The following INPP4A variants were observed in gnomAD, a reference collection of about 807,000 sequenced individuals.
The protein encoded by INPP4A is inositol polyphosphate-4-phosphatase type I A.
In INPP4A, 33 loss-of-function variants were observed where a neutral mutation model predicts 119.8. That is an observed-to-expected ratio of 0.28 (90% CI 0.21 to 0.37). INPP4A has a LOEUF of 0.37. Among genes scored for constraint, INPP4A ranks in the 10% least tolerant of loss-of-function variants. The pLI is 1.00. For synonymous variants in INPP4A, 496 were observed against 500.7 expected, an observed-to-expected ratio of 0.99 and a Z score of 0.12; for missense variants, 956 against 1,289.9, an observed-to-expected ratio of 0.74 and a Z score of 3.97.
chr2:98,538,044 C>T (rs1690659158), intron 8 of INPP4A, 70 bp downstream of exon 8: 5 of 1,056,468 alleles, frequency 4.7e-6, no homozygotes, highest in South Asian at 3.0e-5. Context: ...ATGCAGCCCT[C>T]GTGGACTTAG....
intron 1 of INPP4A, among the ~76,000 whole-genome samples, chr2:98,449,191 T>G (rs896790442): frequency 1.3e-5 from 2 of 152,234 alleles, no homozygotes; most frequent in African/African-American, 4.8e-5. Flanking sequence ...ATATAGTTAC[T>G]GCTCATACAA....
chr2:98,558,626 C>T (rs1694906054), intron 16 of INPP4A, among the ~76,000 whole-genome samples: 2 of 152,214 alleles, frequency 1.3e-5, no homozygotes, highest in African/African-American at 4.8e-5. Flanking sequence ...GAGACCACCT[C>T]ATTTCCACAT....
Position 98,546,026 on chromosome 2 carries a change from C to G in INPP4A, c.1007C>G (p.Thr336Arg). 3 of 1,592,418 alleles carry G rather than the reference C, an allele frequency of 1.9e-6. No homozygotes were observed. Among genetic ancestry groups the G allele is most frequent in the Non-Finnish European group, 2.6e-6 (3 of 1,168,760 alleles). Reference protein sequence around the residue: ...KADKKLEFVPTNLHIQRMRVQ... With the variant: ...KADKKLEFVPRNLHIQRMRVQ... ...GATAAAAAGTTAGAATTTGTTCCCACAAACTTGCACATACAAAGGATGAGA... is the reference window on the plus strand; with the variant it reads ...GATAAAAAGTTAGAATTTGTTCCCAGAAACTTGCACATACAAAGGATGAGA... Residue 336 changes from threonine (T) to arginine (R), a missense_variant, in exon 12 of 25, where the codon ACA (threonine) becomes AGA (arginine). Physicochemically the swap from Thr to Arg is moderately conservative, Grantham distance 71. Transcript: ENST00000409851. The surrounding 1 kb of genome is among the most constrained non-coding windows in gnomAD (Gnocchi z 4.2).
chr2:98,462,445 C>T (rs140739827), intron 1 of INPP4A, among the ~76,000 whole-genome samples: 1,678 of 152,134 alleles, frequency 0.011, 31 homozygotes, highest in African/African-American at 0.038. Flanking sequence ...GAGACTCTGT[C>T]TCAAAAATAA....
intron 8 of INPP4A, 81 bp downstream of exon 8, chr2:98,538,055 C>T (rs1388333993): frequency 3.4e-5 from 32 of 934,362 alleles, no homozygotes; most frequent in Non-Finnish European, 5.3e-5. Flanking sequence ...GTGGACTTAG[C>T]CTCTGTGCTC....
chr2:98,515,463 C>T (rs1162034915), intron 1 of INPP4A, among the ~76,000 whole-genome samples: 19 of 93,038 alleles, frequency 2.0e-4, no homozygotes, highest in African/African-American at 6.7e-4. Context: ...GGACGGGATC[C>T]GGTGGGTGGG....
intron 17 of INPP4A, among the ~76,000 whole-genome samples, chr2:98,560,228 T>G (rs1183680013): frequency 1.3e-5 from 2 of 152,232 alleles, no homozygotes; most frequent in East Asian, 3.8e-4. Flanking sequence ...ATGTTCTTTT[T>G]CTTACATTCC....
At position 98,555,614 on chromosome 2, in the gene INPP4A, T is replaced by C; in HGVS notation, c.1628T>C (p.Leu543Pro). 1 of 1,613,942 alleles carries C rather than the reference T, an allele frequency of 6.2e-7. No individual in the cohort carries two copies. The highest frequency in any genetic ancestry group is 8.5e-7 in the Non-Finnish European group (1 of 1,179,866). The change falls in exon 16 of 25, where the codon CTG becomes CCG. Residue 543 changes from leucine to proline, a missense_variant. Coordinates refer to ENST00000409851, the MANE Select transcript of INPP4A (RefSeq NM_001134225.2). Reference sequence around the variant, plus strand: ...TGCATCATTCAGCGTGTGGACAAGCTGCTGCAGAAGGAGCGGCTGCATGGC... The same window carrying C: ...TGCATCATTCAGCGTGTGGACAAGCCGCTGCAGAAGGAGCGGCTGCATGGC... ...LECIIQRVDK[L>P]LQKERLHGEG...
intron 1 of INPP4A, among the ~76,000 whole-genome samples, chr2:98,458,376 C>T (rs1390784597): frequency 3.3e-5 from 5 of 152,082 alleles, no homozygotes; most frequent in African/African-American, 1.2e-4. Context: ...AGCCCTTTCT[C>T]ACCTTCTCTA....
At position 98,505,000 on chromosome 2, in the gene INPP4A, A is replaced by G. The variant is rs559917752; in HGVS notation, c.-165-13964A>G. Among the ~76,000 whole-genome samples, 7 of 152,312 alleles carry G rather than the reference A, an allele frequency of 4.6e-5. No individual in the cohort carries two copies. In the South Asian group the frequency reaches 1.2e-3, roughly 27 times the overall value. ...CATGTGATTGAGCAAGCCTGAGACC[A>G]TCTTACCAGATTCACTCTAGGCTCT... On this transcript the variant is annotated intron_variant, in intron 1 of 24. Transcript: ENST00000409851.
chr2:98,583,539 G>A (rs1370659602), intron 24 of INPP4A, among the ~76,000 whole-genome samples: 1 of 152,194 alleles, frequency 6.6e-6, no homozygotes, highest in Non-Finnish European at 1.5e-5. Flanking sequence ...CCCACACCCT[G>A]TGCAGGACGG....
chr2:98,573,001 G>C, intron 23 of INPP4A, 74 bp downstream of exon 23: 1 of 1,145,342 alleles, frequency 8.7e-7, no homozygotes, highest in Admixed American at 2.0e-5. Context: ...ACATTACAAA[G>C]TAGAATCTCA....
Position 98,563,484 on chromosome 2 carries a change from T to A in INPP4A, c.1875T>A (p.Leu625=). ...CCCCAGGTGAATGGAGTGAGGCCCT[T>A]TACCCGCTGCTGACCACTCTCACCG... ...ESSPGEWSEA[L]YPLLTTLTDC... Residue 625 remains leucine, a synonymous_variant, in exon 18 of 25, where the codon CTT becomes CTA. Coordinates refer to ENST00000409851, the MANE Select transcript of INPP4A (RefSeq NM_001134225.2). 1 of 1,613,214 alleles carries A rather than the reference T, an allele frequency of 6.2e-7. No individual in the cohort carries two copies. The highest frequency in any genetic ancestry group is 8.5e-7 in the Non-Finnish European group (1 of 1,179,562).
intron 1 of INPP4A, among the ~76,000 whole-genome samples, chr2:98,465,542 T>G (rs1031749435): frequency 1.2e-4 from 18 of 152,142 alleles, no homozygotes; most frequent in Non-Finnish European, 5.9e-5. Context: ...CAGGGGGCAT[T>G]ATTTGACCTG....
chr2:98,483,851 G>A (rs1678999112), intron 1 of INPP4A, among the ~76,000 whole-genome samples: 1 of 152,148 alleles, frequency 6.6e-6, no homozygotes. Flanking sequence ...GACTGCATCT[G>A]TAGTCAGTCT....
At chr2:98,494,356 G>C (rs1177872908) in intron 1 of INPP4A, among the ~76,000 whole-genome samples, 12 of 152,162 alleles carry the variant, frequency 7.9e-5, no homozygotes, top group African/African-American at 2.9e-4. Flanking sequence ...TGTCAGTCCA[G>C]CTAGTTTGTA....
intron 1 of INPP4A, among the ~76,000 whole-genome samples, chr2:98,474,892 T>C (rs1272582327): frequency 6.6e-6 from 1 of 152,178 alleles, no homozygotes; most frequent in Admixed American, 6.5e-5. Flanking sequence ...TATTTGGGGC[T>C]CCTGCAGTGG....
rs184593895 is a variant in INPP4A at position 98,583,274 on chromosome 2, C to G, written c.2787-4202C>G. 3.4e-4 allele frequency among the ~76,000 whole-genome samples: 51 copies of G among 152,160 alleles called. 1 individual carries two copies. The highest frequency in any genetic ancestry group is 4.9e-4 in the Non-Finnish European group (33 of 67,998). ...AGATTAAAGTTCCAACATCTTTTCT[C>G]TCTTACTAATCAAATATGATTGATA... On this transcript the variant is annotated intron_variant, in intron 24 of 24. Coordinates refer to ENST00000409851, the MANE Select transcript of INPP4A (RefSeq NM_001134225.2).
chr2:98,496,879 G>A (rs528502243), intron 1 of INPP4A, among the ~76,000 whole-genome samples: 3 of 152,200 alleles, frequency 2.0e-5, no homozygotes, highest in Non-Finnish European at 4.4e-5. Context: ...TGGTTCTACT[G>A]CTATCTGCTT....
Sources: allele counts gnomAD v4.1 joint callset (sites outside exome capture counted in the v4.1 genomes callset), GRCh38; gene constraint gnomAD v4.1.1; non-coding constraint Gnocchi (gnomAD v3.1); transcripts MANE v1.5; gene names NCBI Gene and HGNC (gene_info 2026-07-23, HGNC 2026-07-21).